ABCC1: variants seen among roughly 807,000 people sequenced by gnomAD.
ABCC1 encodes the protein ATP binding cassette subfamily C member 1 (ABCC1 blood group), also known as multidrug resistance-associated protein 1.
A neutral mutation model predicts 172.9 loss-of-function variants in ABCC1; 83 were observed. That is an observed-to-expected ratio of 0.48 (90% confidence interval 0.40 to 0.58). ABCC1 has a LOEUF of 0.58. Ranked by LOEUF, ABCC1 falls within the 20% of genes least tolerant of loss-of-function variation. The pLI is 0.00. For missense variants in ABCC1, 1,817 were observed against 2,002.7 expected, an observed-to-expected ratio of 0.91 and a Z score of 1.77; for synonymous variants, 937 against 825.2, an observed-to-expected ratio of 1.14 and a Z score of -2.32.
intron 21 of ABCC1, among the ~76,000 whole-genome samples, chr16:16,108,363 C>A (rs568748173): frequency 3.4e-5 from 5 of 149,190 alleles, no homozygotes; most frequent in Non-Finnish European, 5.9e-5. Context: ...CTCCGCCTCC[C>A]GGGTTCAAGC....
intron 24 of ABCC1, 66 bp from the exon 25 acceptor site, chr16:16,124,723 G>A: frequency 6.2e-7 from 1 of 1,607,964 alleles, no homozygotes; most frequent in Non-Finnish European, 8.5e-7. Context: ...TCCCCCAAGA[G>A]CTGTAAGCCA....
chr16:16,069,793 GCAGA>G (rs1279506353), intron 13 of ABCC1, among the ~76,000 whole-genome samples: 7 of 151,914 alleles, frequency 4.6e-5, no homozygotes, highest in Non-Finnish European at 1.5e-5. Context: ...GGAGACCAAG[GCAGA>G]CAGATCAGCT....
intron 22 of ABCC1, among the ~76,000 whole-genome samples, chr16:16,113,185 C>G (rs2044696849): frequency 6.6e-6 from 1 of 152,114 alleles, no homozygotes; most frequent in Non-Finnish European, 1.5e-5. Flanking sequence ...CCTCCCCTCC[C>G]CTCTCCTTGC....
At chr16:16,123,232 G>T (rs892516511) in intron 24 of ABCC1, among the ~76,000 whole-genome samples, 7 of 151,954 alleles carry the variant, frequency 4.6e-5, no homozygotes, top group African/African-American at 1.7e-4. Context: ...GTTCATAAGG[G>T]CTGCAATGGA....
At chr16:16,052,851 G>T (rs754204788) in intron 11 of ABCC1, 35 bp downstream of exon 11, 2 of 1,606,048 alleles carry the variant, frequency 1.2e-6, no homozygotes, top group South Asian at 2.2e-5. Flanking sequence ...CCCAAGCCGG[G>T]CCCTAGGCAG....
chr16:15,962,955 T>C (rs944184904), intron 1 of ABCC1, among the ~76,000 whole-genome samples: 1 of 152,172 alleles, frequency 6.6e-6, no homozygotes, highest in African/African-American at 2.4e-5. Flanking sequence ...AACTCAAAAG[T>C]CTATGTCCAA....
Position 16,142,227 on chromosome 16 carries a change from G to C in ABCC1, c.*946G>C, listed in dbSNP as rs376202626. 3.3e-5 allele frequency: 5 copies of C among 152,320 alleles called. No individual in the cohort carries two copies. In the South Asian group the frequency reaches 1.0e-3, roughly 32 times the overall value. The allele number at this position is 152,320 out of a possible 1,614,324, so 9.4% of individuals were successfully genotyped here. ...GACCTTGACTAGAAATAGAGACTGA[G>C]AGTGAGCAACCAGCTGGAAGGTACT... On this transcript the variant is annotated 3_prime_UTR_variant, in exon 31 of 31. Transcript: ENST00000399410.
intron 1 of ABCC1, among the ~76,000 whole-genome samples, chr16:15,971,234 A>G (rs1186666798): frequency 6.6e-6 from 1 of 152,176 alleles, no homozygotes; most frequent in East Asian, 1.9e-4. Flanking sequence ...CACGTAGCGC[A>G]TGAAAAAGCT....
intron 10 of ABCC1, among the ~76,000 whole-genome samples, chr16:16,051,319 C>T (rs984536007): frequency 1.3e-5 from 2 of 151,786 alleles, no homozygotes; most frequent in South Asian, 2.1e-4. Context: ...TACAGGTGCA[C>T]GCCACCATGC....
chr16:15,982,817 A>AAAAAAAAAAAAAAAG (rs2046654856), intron 1 of ABCC1, among the ~76,000 whole-genome samples: 1 of 149,568 alleles, frequency 6.7e-6, no homozygotes, highest in African/African-American at 2.5e-5. Context: ...AAAAAAAAAA[A>AAAAAAAAAAAAAAAG]AAAAAAAGGA....
At chr16:15,982,991 C>T (rs867691500) in intron 1 of ABCC1, among the ~76,000 whole-genome samples, 4 of 151,790 alleles carry the variant, frequency 2.6e-5, no homozygotes, top group Non-Finnish European at 5.9e-5. Context: ...ATGTTCATAT[C>T]AAATGTCATA....
intron 7 of ABCC1, among the ~76,000 whole-genome samples, chr16:16,042,725 A>G (rs925236791): frequency 3.3e-4 from 50 of 151,894 alleles, no homozygotes; most frequent in Non-Finnish European, 6.2e-4. Flanking sequence ...AAAAATCCCT[A>G]TAAGATAAAG....
intron 1 of ABCC1, among the ~76,000 whole-genome samples, chr16:15,961,833 A>G (rs1440382074): frequency 1.4e-5 from 2 of 143,042 alleles, no homozygotes; most frequent in Admixed American, 1.4e-4. Context: ...TGAGCCATGT[A>G]TTCACCCATT....
At chr16:15,952,859 C>T (rs529952995) in intron 1 of ABCC1, among the ~76,000 whole-genome samples, 10 of 142,740 alleles carry the variant, frequency 7.0e-5, no homozygotes, top group Admixed American at 2.1e-4. Context: ...GATTGACCCC[C>T]GTCTCTACTA....
intron 1 of ABCC1, among the ~76,000 whole-genome samples, chr16:15,998,633 G>T (rs1455891297): frequency 3.9e-5 from 6 of 152,152 alleles, no homozygotes; most frequent in Admixed American, 3.9e-4. Flanking sequence ...GTCTGGGCTG[G>T]CCATCTGGCT....
chr16:16,055,004 A>T (rs2049589469), intron 11 of ABCC1, among the ~76,000 whole-genome samples: 2 of 152,148 alleles, frequency 1.3e-5, no homozygotes, highest in Admixed American at 6.6e-5. Context: ...CTGAGGCAGG[A>T]GGTTGGCTTG....
chr16:16,045,661 G>C (rs2049175432), intron 8 of ABCC1, among the ~76,000 whole-genome samples, 175 bp from the exon 9 acceptor site: 1 of 152,130 alleles, frequency 6.6e-6, no homozygotes, highest in African/African-American at 2.4e-5. Flanking sequence ...TGAGCAGTTT[G>C]GGTCACCTGC....
intron 1 of ABCC1, among the ~76,000 whole-genome samples, chr16:15,992,988 T>C (rs1366937399): frequency 6.6e-6 from 1 of 152,048 alleles, no homozygotes; most frequent in Non-Finnish European, 1.5e-5. Flanking sequence ...TCCTGACCCT[T>C]CCAGTCTGCT....
intron 5 of ABCC1, among the ~76,000 whole-genome samples, chr16:16,021,759 ACCTAGCAACGTAG>A (rs1416874212): frequency 1.3e-5 from 2 of 152,058 alleles, no homozygotes; most frequent in Non-Finnish European, 2.9e-5. Flanking sequence ...CCACATAACT[ACCTAGCAACGTAG>A]CCTAGCAATT....
Sources: allele counts gnomAD v4.1 joint callset (sites outside exome capture counted in the v4.1 genomes callset), GRCh38; gene constraint gnomAD v4.1.1; transcripts MANE v1.5; gene names NCBI Gene and HGNC (gene_info 2026-07-23, HGNC 2026-07-21).